Variants in ITPR2 observed in about 807,000 individuals in gnomAD.
The protein encoded by ITPR2 is inositol 1,4,5-trisphosphate receptor type 2.
In ITPR2, 207 loss-of-function variants were observed where a neutral mutation model predicts 317.1. That is an observed-to-expected ratio of 0.65 (90% CI 0.58 to 0.73). The LOEUF (loss-of-function observed/expected upper bound fraction) is 0.73. Among genes scored for constraint, ITPR2 ranks in the 30% least tolerant of loss-of-function variants. The pLI, the probability that ITPR2 is intolerant of heterozygous loss-of-function variation, is 0.00. For missense variants in ITPR2, 2,613 were observed against 3,284.0 expected (o/e 0.80, Z 4.99); for synonymous variants, 1,156 against 1,149.1 (o/e 1.01, Z -0.12).
At position 26,569,370 on chromosome 12, in the gene ITPR2, A is replaced by G. The variant is rs901940080; in HGVS notation, c.4631-7418T>C. Among the ~76,000 whole-genome samples the G allele has an allele frequency of 5.9e-5, 9 of 152,050 alleles. No individual in the cohort carries two copies. The East Asian group carries it at 1.7e-3, about 29-fold the overall frequency. Reference sequence around the variant, plus strand: ...GAAATTTGAGACCACCCTGGGTAACATGGTAAAAACTCTTTATACAAAAAA... The same window carrying G: ...GAAATTTGAGACCACCCTGGGTAACGTGGTAAAAACTCTTTATACAAAAAA... On this transcript the variant is annotated intron_variant, in intron 34 of 56. Transcript: ENST00000381340.
In ITPR2 at chr12:26,367,190, T is replaced by A. The variant is rs115514434; in HGVS notation, c.7857+20244A>T. 2.7e-3 allele frequency among the ~76,000 whole-genome samples: 405 copies of A among 151,552 alleles called. 4 individuals carry two copies. Among genetic ancestry groups the A allele is most frequent in the African/African-American group, 9.6e-3 (400 of 41,502 alleles). The stretch of plus-strand genomic sequence containing the variant: ...TAAAGTACTGTGCCAAAGATTGTTG[T>A]TGGAAATATTGAAAGACTTTATGAT... On this transcript the variant is annotated intron_variant, in intron 55 of 56. Transcript: ENST00000381340.
chr12:26,492,758 G>T (rs1007724749), intron 39 of ITPR2, among the ~76,000 whole-genome samples: 2 of 152,058 alleles, frequency 1.3e-5, no homozygotes, highest in African/African-American at 2.4e-5. Context: ...GTAAAGCAAG[G>T]CAATGATACT....
rs530430940 is a variant in ITPR2 at position 26,739,111 on chromosome 12, C to T, written c.164-13346G>A. Reference sequence around the variant, plus strand: ...GCAAACTATGACCATAATTAGATACCACTACAAAACCACTAGAATGGCTAC... The same window carrying T: ...GCAAACTATGACCATAATTAGATACTACTACAAAACCACTAGAATGGCTAC... On this transcript the variant is annotated intron_variant, in intron 2 of 56. Coordinates refer to ENST00000381340, the MANE Select transcript of ITPR2 (RefSeq NM_002223.4). 5.2e-4 allele frequency among the ~76,000 whole-genome samples: 79 copies of T among 152,206 alleles called. No homozygotes were observed. In the East Asian group the frequency reaches 0.014, roughly 27 times the overall value.
At chr12:26,787,879 T>G (rs1170798557) in intron 2 of ITPR2, among the ~76,000 whole-genome samples, 4 of 151,278 alleles carry the variant, frequency 2.6e-5, no homozygotes, top group Admixed American at 1.3e-4. Context: ...TCAAATATGT[T>G]TAATAGAAAT....
At chr12:26,455,344 TAAAAAAAAA>T (rs10687003) in intron 45 of ITPR2, among the ~76,000 whole-genome samples, 8 of 66,362 alleles carry the variant, frequency 1.2e-4, no homozygotes, top group Admixed American at 1.9e-4. Context: ...CAACAGCTGC[TAAAAAAAAA>T]AAAAAAAAAA....
rs533924166 is a variant in ITPR2, at chr12:26,768,879, C to A, written c.163+21278G>T. On this transcript the variant is annotated intron_variant, in intron 2 of 56. Coordinates refer to ENST00000381340, the MANE Select transcript of ITPR2 (RefSeq NM_002223.4). ...GCCCTTTCAAAAATGCTAGTAAAAA[C>A]CATTTTTAGGGTACTTCCAAGATAG... is the stretch of plus-strand genomic sequence containing the variant. Among the ~76,000 whole-genome samples, 3 of 152,082 alleles carry A rather than the reference C, an allele frequency of 2.0e-5. No homozygotes were observed. In the South Asian group the frequency reaches 6.2e-4, roughly 32 times the overall value.
chr12:26,477,187 A>C (rs377021894), intron 43 of ITPR2, among the ~76,000 whole-genome samples, 180 bp from the exon 44 acceptor site: 32 of 152,348 alleles, frequency 2.1e-4, no homozygotes, highest in African/African-American at 7.7e-4. Context: ...TTGTCAACAC[A>C]AAATATAACT....
At chr12:26,490,590 A>C (rs112487230) in intron 39 of ITPR2, among the ~76,000 whole-genome samples, 2,053 of 152,322 alleles carry the variant, frequency 0.013, 27 homozygotes, top group Non-Finnish European at 0.018. Flanking sequence ...AGGCAGGTGG[A>C]TCACCTGAGG....
chr12:26,364,609 A>G (rs965742948), intron 55 of ITPR2, among the ~76,000 whole-genome samples: 1 of 152,196 alleles, frequency 6.6e-6, no homozygotes, highest in African/African-American at 2.4e-5. Context: ...TATTCAAATC[A>G]TAAAACCAAC....
intron 2 of ITPR2, among the ~76,000 whole-genome samples, chr12:26,763,108 T>C (rs1482987851): frequency 1.3e-5 from 2 of 152,136 alleles, no homozygotes; most frequent in African/African-American, 4.8e-5. Flanking sequence ...TAAGAGAGTA[T>C]ATCTTAAATG....
intron 5 of ITPR2, among the ~76,000 whole-genome samples, chr12:26,721,111 T>C (rs1404324676): frequency 6.6e-6 from 1 of 152,142 alleles, no homozygotes; most frequent in Non-Finnish European, 1.5e-5. Context: ...CCCTGAACAA[T>C]TGAGAGTTGA....
intron 37 of ITPR2, among the ~76,000 whole-genome samples, chr12:26,502,660 G>C (rs547005970): frequency 2.0e-5 from 3 of 152,194 alleles, no homozygotes; most frequent in African/African-American, 4.8e-5. Context: ...GTTGCTGAGT[G>C]GGGGGTAAGG....
At chr12:26,651,444 TTC>T (rs1947252666) in intron 21 of ITPR2, among the ~76,000 whole-genome samples, 1 of 152,268 alleles carries the variant, frequency 6.6e-6, no homozygotes, top group Admixed American at 6.5e-5. Context: ...TTTATTCTAT[TTC>T]TTTCCTAAGT....
intron 21 of ITPR2, among the ~76,000 whole-genome samples, chr12:26,647,619 T>C (rs1359391151): frequency 1.3e-5 from 2 of 152,228 alleles, no homozygotes; most frequent in African/African-American, 4.8e-5. Context: ...CCATAATCCT[T>C]CTACTCAAAA....
chr12:26,617,236 A>G (rs1405843689), intron 26 of ITPR2, among the ~76,000 whole-genome samples: 1 of 152,226 alleles, frequency 6.6e-6, no homozygotes, highest in Non-Finnish European at 1.5e-5. Flanking sequence ...AAAACATACA[A>G]AGAATGAAAA....
intron 2 of ITPR2, among the ~76,000 whole-genome samples, chr12:26,727,840 G>A (rs1592075367): frequency 6.6e-6 from 1 of 152,116 alleles, no homozygotes; most frequent in African/African-American, 2.4e-5. Context: ...ACTTCCCCAC[G>A]GAGAAGAAAG....
At chr12:26,811,865 A>G (rs1950757103) in intron 1 of ITPR2, among the ~76,000 whole-genome samples, 1 of 148,228 alleles carries the variant, frequency 6.7e-6, no homozygotes, top group Non-Finnish European at 1.5e-5. Context: ...AAAAAAAAAA[A>G]AAAAAAAGAA....
intron 44 of ITPR2, among the ~76,000 whole-genome samples, chr12:26,476,376 C>T (rs77132578): frequency 0.04 from 6,022 of 152,072 alleles, 138 homozygotes; most frequent in Middle Eastern, 0.11. Context: ...GTGCATGCCA[C>T]GAGTGAGAAA....
intron 21 of ITPR2, among the ~76,000 whole-genome samples, chr12:26,648,311 T>A (rs2136881149): frequency 6.6e-6 from 1 of 152,330 alleles, no homozygotes; most frequent in East Asian, 1.9e-4. Context: ...TCTGCTCTCC[T>A]GCGTCTGACC....
Sources: gnomAD v4.1 joint callset for allele counts (sites outside exome capture counted in the v4.1 genomes callset) on GRCh38, gnomAD v4.1.1 for gene constraint, MANE v1.5 for transcripts, NCBI Gene and HGNC (gene_info 2026-07-23, HGNC 2026-07-21) for gene names.